PODN: variants seen among roughly 807,000 people sequenced by gnomAD.
PODN encodes podocan.
A neutral mutation model predicts 52.7 loss-of-function variants in PODN; 40 were observed. The observed-to-expected ratio is 0.76, with a 90% confidence interval of 0.59 to 0.99. The LOEUF (loss-of-function observed/expected upper bound fraction) is 0.99, where lower values mean the gene tolerates loss of function less well. Among genes scored for constraint, PODN ranks in the 50% least tolerant of loss-of-function variants. The pLI, the probability that PODN is intolerant of heterozygous loss-of-function variation, is 0.00. For synonymous variants in PODN, 396 were observed against 377.9 expected, an observed-to-expected ratio of 1.05 and a Z score of -0.56; for missense variants, 720 against 815.1, an observed-to-expected ratio of 0.88 and a Z score of 1.42.
intron 8 of PODN, among the ~76,000 whole-genome samples, chr1:53,080,192 T>C (rs1230157943): frequency 1.3e-5 from 2 of 152,122 alleles, no homozygotes; most frequent in East Asian, 3.9e-4. Context: ...TGTGCTGGGG[T>C]CACTGTGGGT....
chr1:53,077,614 C>T, intron 6 of PODN, 71 bp from the exon 7 acceptor site: 1 of 1,434,876 alleles, frequency 7.0e-7, no homozygotes, highest in Non-Finnish European at 9.6e-7. Flanking sequence ...CCTCTCCACA[C>T]CTCATCCCGA....
intron 6 of PODN, 107 bp downstream of exon 6, chr1:53,077,453 C>T: frequency 6.7e-7 from 1 of 1,497,452 alleles, no homozygotes; most frequent in Non-Finnish European, 9.0e-7. Context: ...CAGGTGCTGC[C>T]CAAGTGGGGC....
intron 1 of PODN, among the ~76,000 whole-genome samples, chr1:53,069,553 T>A (rs1483573824): frequency 6.6e-6 from 1 of 152,164 alleles, no homozygotes; most frequent in African/African-American, 2.4e-5. Flanking sequence ...GAAATAGGGG[T>A]ACAGACTCCT....
chr1:53,085,079 G>C lies in PODN; in HGVS notation c.*594G>C, dbSNP rs1478543254. 3 of 152,308 alleles carry C rather than the reference G, an allele frequency of 2.0e-5. No homozygotes were observed. The highest frequency in any genetic ancestry group is 4.8e-5 in the African/African-American group (2 of 41,454). 9.4% of individuals were successfully genotyped at this position (152,308 alleles called of 1,614,324 possible). A position where few individuals can be genotyped will look rare whatever the true frequency, so the allele number is the denominator to read the frequency against. On this transcript the variant is annotated 3_prime_UTR_variant, in exon 11 of 11. Transcript: ENST00000312553. ...CTGCCACCCTCTGGAACTCACAAAA[G>C]CTGGCTTTTATTCCTTTCCCATCCT...
intron 3 of PODN, among the ~76,000 whole-genome samples, chr1:53,071,958 C>T (rs1644126049): frequency 6.6e-6 from 1 of 151,822 alleles, no homozygotes; most frequent in African/African-American, 2.4e-5. Flanking sequence ...AGTGTAATAA[C>T]ATTCTGTAGT....
In PODN at chr1:53,069,995, A is replaced by G. The variant is rs1644091837; in HGVS notation, c.140A>G (p.Glu47Gly). Reference sequence around the variant, plus strand: ...AGCCCCGAAGAGAACGAATTTGCGGAGGAGGAGCCGGTGCTGGTACTGAGC... The same window carrying G: ...AGCCCCGAAGAGAACGAATTTGCGGGGGAGGAGCCGGTGCTGGTACTGAGC... ...SLSPEENEFA[E>G]EEPVLVLSPE... is the part of the protein sequence containing the mutation. Residue 47 changes from glutamate to glycine, a missense_variant, in exon 2 of 11, where the codon GAG becomes GGG. Glu to Gly is a moderately conservative substitution (Grantham distance 98). Transcript: ENST00000312553. 1 of 1,611,986 alleles carries G rather than the reference A, an allele frequency of 6.2e-7. No individual in the cohort carries two copies.
chr1:53,069,190 CT>C (rs1242920366), intron 1 of PODN, among the ~76,000 whole-genome samples: 3 of 152,200 alleles, frequency 2.0e-5, no homozygotes, highest in African/African-American at 7.2e-5. Context: ...GCTGCTCCCC[CT>C]CTTCCCATGT....
intron 3 of PODN, chr1:53,073,782 A>G (rs1644153995): frequency 6.6e-6 from 1 of 152,150 alleles, no homozygotes; most frequent in South Asian, 2.1e-4. Context: ...TCATTTATGT[A>G]CCGTAGGATT....
Position 53,082,262 on chromosome 1 carries a change from T to C in PODN, c.*27+74T>C, listed in dbSNP as rs1472730985. On this transcript the variant is annotated intron_variant, in intron 10 of 10. Coordinates refer to ENST00000312553, the MANE Select transcript of PODN (RefSeq NM_153703.5). ...CCCTTCCTGACCCTGGTAGAGGGTC[T>C]TTCTGTCCATTCTTCACCCTCTCGC... is the stretch of plus-strand genomic sequence containing the variant. 2.9e-6 allele frequency: 4 copies of C among 1,400,772 alleles called. No individual in the cohort carries two copies. The Admixed American group carries it at 1.2e-4, about 42-fold the overall frequency. 86.8% of individuals were successfully genotyped at this position (1,400,772 alleles called of 1,614,324 possible). A position where few individuals can be genotyped will look rare whatever the true frequency, so the allele number is the denominator to read the frequency against.
At chr1:53,077,134 G>A in intron 5 of PODN, 56 bp from the exon 6 acceptor site, 1 of 1,587,498 alleles carries the variant, frequency 6.3e-7, no homozygotes, top group Non-Finnish European at 8.6e-7. Context: ...CACCAGTTGA[G>A]CTGGCGCAGG....
chr1:53,062,548 TC>T (rs1171923654), intron 1 of PODN, among the ~76,000 whole-genome samples: 1 of 152,072 alleles, frequency 6.6e-6, no homozygotes, highest in African/African-American at 2.4e-5. Flanking sequence ...CAGAGGCTGG[TC>T]CCCGTCCCCA....
chr1:53,069,910 C>T lies in PODN; in HGVS notation c.55C>T (p.Leu19=). The T allele has an allele frequency of 6.4e-7, 1 of 1,572,390 alleles. No homozygotes were observed. Among genetic ancestry groups the T allele is most frequent in the Non-Finnish European group, 8.6e-7 (1 of 1,159,394 alleles). Residue 19 remains leucine, a synonymous_variant, in exon 2 of 11, where the codon CTG becomes TTG. Transcript: ENST00000312553. ...LLLLLPPQLH[L]GPVLAVRAPG... ...GCTGCTGCTGCCGCCACAGCTGCAC[C>T]TGGGACCTGTGCTTGCCGTGAGGGC...
Position 53,078,832 on chromosome 1 carries a change from G to C in PODN, c.1322G>C (p.Arg441Pro). The C allele has an allele frequency of 6.2e-7, 1 of 1,612,814 alleles. No homozygotes were observed. The highest frequency in any genetic ancestry group is 8.5e-7 in the Non-Finnish European group (1 of 1,179,714). ...CGCTCGCTGGACCTGTCGGGCAACC[G>C]GCTGCACACGCTGCCACCTGGGCTG... The part of the protein sequence containing the change: ...LLRSLDLSGN[R>P]LHTLPPGLPR... Residue 441 changes from arginine (R) to proline (P), a missense_variant, in exon 8 of 11, where the codon CGG (arginine) becomes CCG (proline). Coordinates refer to ENST00000312553, the MANE Select transcript of PODN (RefSeq NM_153703.5).
In PODN at chr1:53,082,044, G is replaced by A; in HGVS notation, c.1725G>A (p.Gln575=). 6.2e-7 allele frequency: 1 copy of A among 1,613,848 alleles called. No homozygotes were observed. The change falls in exon 10 of 11, where the codon CAG becomes CAA. Residue 575 remains glutamine (Q), a synonymous_variant. Coordinates refer to ENST00000312553, the MANE Select transcript of PODN (RefSeq NM_153703.5). The part of the protein sequence containing the change: ...DSAFRRLKHL[Q]VLDIEGNLEF... ...CCTTCCGGAGGCTGAAGCACCTGCA[G>A]GTCTTGGACATTGAAGGCAACTTAG...
Position 53,074,658 on chromosome 1 carries a change from G to A in PODN, c.459G>A (p.Leu153=). ...EHLTNLNYLY[L]ANNKLTLAPR... The stretch of plus-strand genomic sequence containing the variant: ...TGACCAACCTCAATTACCTGTACTT[G>A]GCCAATAACAAGGTGAGGGGCTTGA... The change falls in exon 4 of 11, where the codon TTG becomes TTA. Residue 153 remains leucine, a synonymous_variant. Coordinates refer to ENST00000312553, the MANE Select transcript of PODN (RefSeq NM_153703.5). 2.5e-6 allele frequency: 4 copies of A among 1,614,002 alleles called. No homozygotes were observed. Among genetic ancestry groups the A allele is most frequent in the Non-Finnish European group, 3.4e-6 (4 of 1,180,010 alleles).
rs768589887 is a variant in PODN, at chr1:53,062,245, C to A, written c.-119C>A. Reference sequence around the variant, plus strand: ...ATGGAAGGAGCCCGAGCCCGCGGAGCGCAGCTGAGACTGGGGGAGCGCGTT... The same window carrying A: ...ATGGAAGGAGCCCGAGCCCGCGGAGAGCAGCTGAGACTGGGGGAGCGCGTT... On this transcript the variant is annotated 5_prime_UTR_variant, in exon 1 of 11. Coordinates refer to ENST00000312553, the MANE Select transcript of PODN (RefSeq NM_153703.5). 2.4e-6 allele frequency: 3 copies of A among 1,275,060 alleles called. No homozygotes were observed. In the African/African-American group the frequency reaches 4.5e-5, roughly 19 times the overall value. 79.0% of individuals were successfully genotyped at this position (1,275,060 alleles called of 1,614,324 possible).
chr1:53,077,349 G>A lies in PODN; in HGVS notation c.738+3G>A. 1 of 1,612,820 alleles carries A rather than the reference G, an allele frequency of 6.2e-7. No homozygotes were observed. Among genetic ancestry groups the A allele is most frequent in the Non-Finnish European group, 8.5e-7 (1 of 1,179,842 alleles). On this transcript the variant is annotated splice_donor_region_variant and intron_variant, in intron 6 of 10. Transcript: ENST00000312553. ...CCCTGTACAAGCTGCACCTCAAGGTGGGCAGGGGAGGGGTAAGGAGGGGCA... is the reference window on the plus strand; with the variant it reads ...CCCTGTACAAGCTGCACCTCAAGGTAGGCAGGGGAGGGGTAAGGAGGGGCA...
intron 8 of PODN, among the ~76,000 whole-genome samples, chr1:53,079,999 TAAAAA>T (rs5774134): frequency 2.4e-4 from 25 of 106,104 alleles, no homozygotes; most frequent in Non-Finnish European, 2.7e-4. Flanking sequence ...TGTCTCAAAT[TAAAAA>T]AAAAAAAAAA....
rs775930811 is a variant in PODN, at chr1:53,078,918, G to T, written c.1408G>T (p.Ala470Ser). Reference protein sequence around the residue: ...RNELAALARGALVGMAQLREL... With the variant: ...RNELAALARGSLVGMAQLREL... ...TGAGCTGGCTGCCTTGGCACGAGGGGCGCTGGTGGGCATGGCTCAGCTGCG... is the reference window on the plus strand; with the variant it reads ...TGAGCTGGCTGCCTTGGCACGAGGGTCGCTGGTGGGCATGGCTCAGCTGCG... The change falls in exon 8 of 11, where the codon GCG (alanine) becomes TCG (serine). Residue 470 changes from alanine to serine, a missense_variant. Coordinates refer to ENST00000312553, the MANE Select transcript of PODN (RefSeq NM_153703.5). 1.3e-6 allele frequency: 2 copies of T among 1,599,970 alleles called. No homozygotes were observed. Among genetic ancestry groups the T allele is most frequent in the Non-Finnish European group, 1.7e-6 (2 of 1,173,666 alleles).
Sources: allele counts gnomAD v4.1 joint callset (sites outside exome capture counted in the v4.1 genomes callset), GRCh38; gene constraint gnomAD v4.1.1; transcripts MANE v1.5; gene names NCBI Gene and HGNC (gene_info 2026-07-23, HGNC 2026-07-21).